Variants in SUPT3H observed in about 807,000 individuals in gnomAD.
The protein encoded by SUPT3H is SPT3 homolog, SAGA and STAGA complex component.
SUPT3H carries 44 observed loss-of-function variants against 44.3 expected under a neutral mutation model. The observed-to-expected ratio is 0.99, with a 90% CI of 0.78 to 1.28. The LOEUF is 1.28. SUPT3H is among the 50% of genes most tolerant of loss of function. The probability of loss-of-function intolerance (pLI) is 0.00; values close to 1 mark genes in which losing one functional copy is unlikely to be tolerated. For synonymous variants in SUPT3H, 124 were observed against 125.6 expected (o/e 0.99, Z 0.09); for missense variants, 380 against 387.1 (o/e 0.98, Z 0.15).
intron 6 of SUPT3H, among the ~76,000 whole-genome samples, chr6:44,992,001 A>C (rs927709650): frequency 2.6e-5 from 4 of 152,186 alleles, no homozygotes; most frequent in African/African-American, 4.8e-5. Context: ...AAGAATAGGG[A>C]AATATAATCC....
At chr6:45,116,516 A>T (rs749012556) in intron 2 of SUPT3H, among the ~76,000 whole-genome samples, 3 of 152,162 alleles carry the variant, frequency 2.0e-5, no homozygotes, top group Non-Finnish European at 2.9e-5. Flanking sequence ...GTCCCTCTGC[A>T]TCTTGGAGAG....
At chr6:44,946,623 A>C (rs962365484) in intron 9 of SUPT3H, among the ~76,000 whole-genome samples, 3 of 152,180 alleles carry the variant, frequency 2.0e-5, no homozygotes, top group Non-Finnish European at 4.4e-5. Flanking sequence ...ATATGACTGA[A>C]CTGCTCAATC....
chr6:45,324,505 T>C (rs960856780), intron 2 of SUPT3H, among the ~76,000 whole-genome samples: 1 of 151,708 alleles, frequency 6.6e-6, no homozygotes, highest in African/African-American at 2.4e-5. Flanking sequence ...GAATCTACTT[T>C]GAGGCTGTAT....
intron 2 of SUPT3H, among the ~76,000 whole-genome samples, chr6:45,253,868 T>C (rs1361637722): frequency 2.1e-5 from 3 of 139,996 alleles, no homozygotes; most frequent in African/African-American, 7.9e-5. Context: ...TATATATATA[T>C]ATATACACAC....
chr6:45,002,360 T>C (rs1045156790), intron 6 of SUPT3H, among the ~76,000 whole-genome samples: 2 of 152,056 alleles, frequency 1.3e-5, no homozygotes, highest in Non-Finnish European at 2.9e-5. Flanking sequence ...CAGGTTTGGC[T>C]AGCCAAGATC....
intron 2 of SUPT3H, among the ~76,000 whole-genome samples, chr6:45,343,481 C>T (rs1021605015): frequency 4.6e-5 from 7 of 152,154 alleles, no homozygotes; most frequent in Non-Finnish European, 7.4e-5. Context: ...CTCCAAAAGG[C>T]AGCTTTTCAA....
At chr6:45,190,113 AAT>A (rs1175356197) in intron 2 of SUPT3H, among the ~76,000 whole-genome samples, 1 of 152,164 alleles carries the variant, frequency 6.6e-6, no homozygotes, top group Non-Finnish European at 1.5e-5. Flanking sequence ...GCGTTAAACT[AAT>A]GAATTAGGTT....
chr6:45,199,521 T>C (rs953434104), intron 2 of SUPT3H, among the ~76,000 whole-genome samples: 4 of 151,344 alleles, frequency 2.6e-5, no homozygotes, highest in African/African-American at 9.7e-5. Context: ...GAATAAAGAA[T>C]ACAGCAAAAA....
At chr6:45,151,598 C>T (rs959728888) in intron 2 of SUPT3H, among the ~76,000 whole-genome samples, 1 of 152,116 alleles carries the variant, frequency 6.6e-6, no homozygotes, top group African/African-American at 2.4e-5. Context: ...CACTTTAAAA[C>T]AAGTTAAAAG....
At chr6:45,154,662 G>A (rs907905550) in intron 2 of SUPT3H, among the ~76,000 whole-genome samples, 25 of 152,170 alleles carry the variant, frequency 1.6e-4, no homozygotes, top group African/African-American at 5.8e-4. Flanking sequence ...CCAGGCCATT[G>A]TTCTTCAGGC....
chr6:45,319,626 A>C lies in SUPT3H; in HGVS notation c.101+45575T>G, dbSNP rs191039147. 2.1e-3 allele frequency among the ~76,000 whole-genome samples: 324 copies of C among 152,304 alleles called. 1 individual carries two copies. Among genetic ancestry groups the C allele is most frequent in the African/African-American group, 7.5e-3 (310 of 41,570 alleles). The stretch of plus-strand genomic sequence containing the variant: ...ACTCAGTAGTAACCACCATCATCAA[A>C]TAATACTCAAAGTCTACCTAATGTA... On this transcript the variant is annotated intron_variant, in intron 2 of 10. Coordinates refer to ENST00000371459, the MANE Select transcript of SUPT3H (RefSeq NM_003599.4).
At chr6:45,035,639 G>T (rs1305821670) in intron 3 of SUPT3H, among the ~76,000 whole-genome samples, 1 of 152,090 alleles carries the variant, frequency 6.6e-6, no homozygotes, top group Non-Finnish European at 1.5e-5. Context: ...TATTGCCACA[G>T]TCGTAGGTAT....
At chr6:45,044,011 A>G (rs561546697) in intron 3 of SUPT3H, among the ~76,000 whole-genome samples, 2 of 152,338 alleles carry the variant, frequency 1.3e-5, no homozygotes, top group East Asian at 1.9e-4. Context: ...CATTTTTCCT[A>G]TACTTTCATT....
chr6:44,919,479 G>A (rs202220276), intron 10 of SUPT3H, among the ~76,000 whole-genome samples: 1 of 147,718 alleles, frequency 6.8e-6, no homozygotes, highest in African/African-American at 2.5e-5. Flanking sequence ...TTTTTTTAAA[G>A]TTTAGATGAC....
intron 2 of SUPT3H, among the ~76,000 whole-genome samples, chr6:45,193,419 G>T (rs1815469891): frequency 6.6e-6 from 1 of 152,056 alleles, no homozygotes; most frequent in South Asian, 2.1e-4. Flanking sequence ...TCAAGATTAT[G>T]TCAAGAAAAA....
At chr6:45,363,450 T>C (rs1406086131) in intron 2 of SUPT3H, among the ~76,000 whole-genome samples, 1 of 152,152 alleles carries the variant, frequency 6.6e-6, no homozygotes, top group Non-Finnish European at 1.5e-5. Context: ...CAATTATTGT[T>C]AAAGCCAGAT....
intron 2 of SUPT3H, among the ~76,000 whole-genome samples, chr6:45,143,127 C>A (rs957024562): frequency 9.9e-5 from 15 of 152,062 alleles, no homozygotes; most frequent in African/African-American, 3.6e-4. Context: ...CTTCAATACT[C>A]CACTGACAGC....
At chr6:45,315,355 T>C (rs1584875396) in intron 2 of SUPT3H, among the ~76,000 whole-genome samples, 1 of 151,820 alleles carries the variant, frequency 6.6e-6, no homozygotes, top group African/African-American at 2.4e-5. Context: ...ACCCACAGAG[T>C]TGGAGAAAAT....
At chr6:45,028,896 C>CAAAAAAAAAAAAAAAA (rs57234806) in intron 3 of SUPT3H, among the ~76,000 whole-genome samples, 33 of 71,022 alleles carry the variant, frequency 4.6e-4, no homozygotes, top group Non-Finnish European at 6.9e-4. Context: ...AAACAGTTGC[C>CAAAAAAAAAAAAAAAA]AAAAAAAAAA....
Sources: allele counts gnomAD v4.1 joint callset (sites outside exome capture counted in the v4.1 genomes callset), GRCh38; gene constraint gnomAD v4.1.1; transcripts MANE v1.5; gene names NCBI Gene and HGNC (gene_info 2026-07-23, HGNC 2026-07-21).